Variants in CDC45 observed in about 807,000 individuals in gnomAD.
CDC45 encodes cell division cycle 45.
Under a neutral mutation model 77.8 loss-of-function variants are expected in CDC45, and 54 were observed. That is an observed-to-expected ratio of 0.69 (90% CI 0.56 to 0.87). The LOEUF is 0.87. CDC45 is among the 40% of genes least tolerant of loss of function. CDC45 has a pLI of 0.00. For missense variants in CDC45, 649 were observed against 721.6 expected (o/e 0.90, Z 1.15); for synonymous variants, 260 against 272.1 (o/e 0.96, Z 0.44).
chr22:19,500,854 A>G (rs1398239273), intron 9 of CDC45, among the ~76,000 whole-genome samples: 1 of 152,160 alleles, frequency 6.6e-6, no homozygotes, highest in East Asian at 1.9e-4. Flanking sequence ...GTTACTGCAC[A>G]GTGGACATAT....
intron 13 of CDC45, among the ~76,000 whole-genome samples, chr22:19,514,039 A>G (rs1186684020): frequency 6.6e-6 from 1 of 152,256 alleles, no homozygotes; most frequent in Non-Finnish European, 1.5e-5. Flanking sequence ...TGGTTTAGGA[A>G]TGTAAGAGTT....
At chr22:19,519,924 A>C (rs13447298) in intron 18 of CDC45, among the ~76,000 whole-genome samples, 2,963 of 152,272 alleles carry the variant, frequency 0.019, 37 homozygotes, top group East Asian at 0.066. Flanking sequence ...ACCTTGGGCC[A>C]GCCACCTAAT....
At chr22:19,497,496 A>G (rs746931139) in intron 8 of CDC45, 49 bp downstream of exon 8, 3 of 1,498,788 alleles carry the variant, frequency 2.0e-6, no homozygotes, top group Non-Finnish European at 2.8e-6. Flanking sequence ...TGCCTTGGTC[A>G]GTGCCACATA....
intron 9 of CDC45, among the ~76,000 whole-genome samples, chr22:19,501,243 AT>A (rs1296856494): frequency 6.6e-6 from 1 of 152,062 alleles, no homozygotes; most frequent in African/African-American, 2.4e-5. Context: ...CCTTATGGGT[AT>A]TTGCCTGCGG....
In CDC45 at chr22:19,515,205, G is replaced by C. The variant is rs573454612; in HGVS notation, c.1440+157G>C. 2.0e-5 allele frequency among the ~76,000 whole-genome samples: 3 copies of C among 152,268 alleles called. No homozygotes were observed. The South Asian group carries it at 6.2e-4, about 32-fold the overall frequency. ...CTTTTTCTGAGCTGTCTTTTTCTCA[G>C]CTGACCCCTAGGAACCTTCCAGTTC... On this transcript the variant is annotated intron_variant, in intron 15 of 18. Coordinates refer to ENST00000263201, the MANE Select transcript of CDC45 (RefSeq NM_003504.5).
chr22:19,507,993 A>T, intron 12 of CDC45, 129 bp downstream of exon 12: 1 of 640,314 alleles, frequency 1.6e-6, no homozygotes, highest in Non-Finnish European at 2.8e-6. Context: ...TGCAAAAAAA[A>T]CAACAACCCG....
At chr22:19,485,014 T>C (rs542481366) in intron 5 of CDC45, among the ~76,000 whole-genome samples, 39 of 152,276 alleles carry the variant, frequency 2.6e-4, no homozygotes, top group Non-Finnish European at 4.3e-4. Context: ...TCACTCGATC[T>C]TCCCACTTCA....
At position 19,511,329 on chromosome 22, in the gene CDC45, C is replaced by CTTT. The variant is rs374439054; in HGVS notation, c.1217+2655_1217+2657dup. Among the ~76,000 whole-genome samples, 338 of 126,308 alleles carry CTTT rather than the reference C, an allele frequency of 2.7e-3. 8 individuals carry two copies. The highest frequency in any genetic ancestry group is 0.011 in the East Asian group (50 of 4,386). The allele number at this position is 126,308 out of a possible 152,430, so 82.9% of individuals were successfully genotyped here. A position where few individuals can be genotyped will look rare whatever the true frequency, so the allele number is the denominator to read the frequency against. ...AGAATTGTCTATTCAAGTCCTTTGTCTTTTTTTTTTTTTTTTTTTGAGACA... is the reference window on the plus strand; with the variant it reads ...AGAATTGTCTATTCAAGTCCTTTGTCTTTTTTTTTTTTTTTTTTTTTTGAGACA... On this transcript the variant is annotated intron_variant, in intron 13 of 18. Transcript: ENST00000263201.
At chr22:19,494,488 T>C (rs1291706808) in intron 6 of CDC45, 106 bp downstream of exon 6, 1 of 1,559,090 alleles carries the variant, frequency 6.4e-7, no homozygotes, top group African/African-American at 1.4e-5. Context: ...ATTTATTGAG[T>C]TTAGAACCTT....
At chr22:19,488,267 T>C (rs2090103566) in intron 5 of CDC45, among the ~76,000 whole-genome samples, 3 of 152,274 alleles carry the variant, frequency 2.0e-5, no homozygotes, top group African/African-American at 7.2e-5. Flanking sequence ...AACCTTTTCC[T>C]TATGCTCATG....
At chr22:19,492,408 A>G (rs1178382528) in intron 5 of CDC45, among the ~76,000 whole-genome samples, 1 of 151,534 alleles carries the variant, frequency 6.6e-6, no homozygotes. Context: ...TCTTCTATAT[A>G]TATATATTTT....
intron 10 of CDC45, among the ~76,000 whole-genome samples, chr22:19,507,016 T>C (rs556934247): frequency 9.3e-5 from 14 of 151,218 alleles, no homozygotes; most frequent in African/African-American, 3.2e-4. Flanking sequence ...GAGGAATGGG[T>C]TGTAGGGAGG....
chr22:19,520,063 C>G lies in CDC45; in HGVS notation c.*2-418C>G, dbSNP rs1418656260. ...GGGCTCTCTGGCAGTGGAGTGGGTG[C>G]TAGAGGCAAACCCCTCCCCTGCAGC... On this transcript the variant is annotated intron_variant, in intron 18 of 18. Transcript: ENST00000263201. The surrounding 1 kb of genome is among the most constrained non-coding windows in gnomAD (Gnocchi z 4.5). Among the ~76,000 whole-genome samples the G allele has an allele frequency of 6.6e-6, 1 of 152,042 alleles. No individual in the cohort carries two copies. The highest frequency in any genetic ancestry group is 1.9e-4 in the East Asian group (1 of 5,190).
intron 5 of CDC45, among the ~76,000 whole-genome samples, chr22:19,488,177 A>C (rs1401504680): frequency 6.6e-6 from 1 of 152,232 alleles, no homozygotes; most frequent in African/African-American, 2.4e-5. Flanking sequence ...CCATTGTAAA[A>C]TAAGGAGAAT....
At chr22:19,507,923 G>A in intron 12 of CDC45, 59 bp downstream of exon 12, 1 of 1,172,808 alleles carries the variant, frequency 8.5e-7, no homozygotes, top group Non-Finnish European at 1.2e-6. Flanking sequence ...AAAGTGAAGG[G>A]TTCTACTTTA....
rs762943136 is a variant in CDC45, at chr22:19,520,181, G to A, written c.*2-300G>A. On this transcript the variant is annotated intron_variant, in intron 18 of 18. Transcript: ENST00000263201. This position sits in a 1 kb window ranked among gnomAD's most constrained non-coding sequence, Gnocchi z 4.5. ...TAGGAGGGCTGAGCAGCAGAGTGCC[G>A]AGGGATGGAGGGAGAGCCCCCATGG... 6.6e-6 allele frequency among the ~76,000 whole-genome samples: 1 copy of A among 152,188 alleles called. No homozygotes were observed.
chr22:19,479,729 T>C (rs533424569), upstream of CDC45: 2 of 667,104 alleles, frequency 3.0e-6, no homozygotes, highest in African/African-American at 1.8e-5. Flanking sequence ...AGTGTTTGCG[T>C]TCGGCCTCAG....
rs1201632367 is a variant in CDC45 at position 19,516,437 on chromosome 22, T to C, written c.1441-90T>C. 3.8e-6 allele frequency: 4 copies of C among 1,039,722 alleles called. No homozygotes were observed. The East Asian group carries it at 9.6e-5, about 25-fold the overall frequency. 64.4% of individuals were successfully genotyped at this position (1,039,722 alleles called of 1,614,324 possible). On this transcript the variant is annotated intron_variant, in intron 15 of 18. Coordinates refer to ENST00000263201, the MANE Select transcript of CDC45 (RefSeq NM_003504.5). ...CAGCGTCCCTGGAGGCTTTGGGGAG[T>C]GGAGTGACTGGGCGCTGTTGGGCTC...
intron 15 of CDC45, among the ~76,000 whole-genome samples, chr22:19,515,310 G>A (rs1933724745): frequency 6.6e-6 from 1 of 152,184 alleles, no homozygotes; most frequent in South Asian, 2.1e-4. Context: ...AACAGGGCTG[G>A]GGCTTGTGTC....
Sources: gnomAD v4.1 joint callset for allele counts (sites outside exome capture counted in the v4.1 genomes callset) on GRCh38, gnomAD v4.1.1 for gene constraint, Gnocchi (gnomAD v3.1) non-coding constraint, MANE v1.5 for transcripts, NCBI Gene and HGNC (gene_info 2026-07-23, HGNC 2026-07-21) for gene names.